PRDM6: variants seen among roughly 807,000 people sequenced by gnomAD.
PRDM6 encodes the protein PR/SET domain 6, also known as putative histone-lysine N-methyltransferase PRDM6.
A neutral mutation model predicts 60.8 loss-of-function variants in PRDM6; 25 were observed. That is an observed-to-expected ratio of 0.41 (90% CI 0.30 to 0.57). The LOEUF (loss-of-function observed/expected upper bound fraction) is 0.57, where lower values mean the gene tolerates loss of function less well. PRDM6 is among the 20% of genes least tolerant of loss of function. The pLI is 0.27. For synonymous variants in PRDM6, 407 were observed against 357.4 expected (o/e 1.14, Z -1.57); for missense variants, 839 against 821.3 (o/e 1.02, Z -0.26).
chr5:123,135,919 A>C (rs985961930), intron 3 of PRDM6, among the ~76,000 whole-genome samples: 2 of 152,242 alleles, frequency 1.3e-5, no homozygotes, highest in South Asian at 4.1e-4. Context: ...TGTTTTGTTA[A>C]CTGTCATACT....
intron 2 of PRDM6, among the ~76,000 whole-genome samples, chr5:123,095,948 A>G (rs959802801): frequency 1.3e-5 from 2 of 152,136 alleles, no homozygotes; most frequent in Non-Finnish European, 2.9e-5. Context: ...GTAAAGATCT[A>G]TTGCACTTTA....
At chr5:123,170,730 TA>T in intron 5 of PRDM6, 35 bp from the exon 6 acceptor site, 1 of 1,398,930 alleles carries the variant, frequency 7.1e-7, no homozygotes, top group Non-Finnish European at 9.7e-7. Context: ...TAAAGGCTAA[TA>T]AAACTGTTCT....
chr5:123,180,112 A>G, intron 6 of PRDM6, 35 bp from the exon 7 acceptor site: 1 of 1,497,274 alleles, frequency 6.7e-7, no homozygotes, highest in South Asian at 1.3e-5. Flanking sequence ...CCAACGCAGA[A>G]AACAATGACC....
intron 3 of PRDM6, among the ~76,000 whole-genome samples, chr5:123,132,254 T>G (rs905378355): frequency 2.6e-5 from 4 of 152,178 alleles, no homozygotes; most frequent in Non-Finnish European, 5.9e-5. Context: ...TCCCATGCAT[T>G]ACCACGTGGG....
intron 3 of PRDM6, among the ~76,000 whole-genome samples, chr5:123,142,557 T>C (rs1223819682): frequency 6.6e-6 from 1 of 151,778 alleles, no homozygotes; most frequent in Non-Finnish European, 1.5e-5. Flanking sequence ...TTTTAAAAAG[T>C]AGGAAAAATG....
chr5:123,102,660 T>C (rs956134706), intron 3 of PRDM6, among the ~76,000 whole-genome samples: 2 of 152,164 alleles, frequency 1.3e-5, no homozygotes, highest in Non-Finnish European at 2.9e-5. Context: ...ATGATTATTT[T>C]ATTTTAAAAG....
intron 2 of PRDM6, among the ~76,000 whole-genome samples, chr5:123,096,933 C>G (rs1022317661): frequency 4.6e-5 from 7 of 152,020 alleles, no homozygotes; most frequent in African/African-American, 1.7e-4. Context: ...TGGGATGACA[C>G]GTGTGGAGAA....
intron 3 of PRDM6, among the ~76,000 whole-genome samples, chr5:123,143,556 T>C (rs1030077981): frequency 6.6e-6 from 1 of 152,162 alleles, no homozygotes; most frequent in African/African-American, 2.4e-5. Flanking sequence ...CTTGGTTAGA[T>C]TTCCTGGGAA....
intron 7 of PRDM6, among the ~76,000 whole-genome samples, chr5:123,183,788 A>G (rs1052156946): frequency 2.6e-5 from 4 of 152,118 alleles, no homozygotes; most frequent in Non-Finnish European, 4.4e-5. Context: ...AAATTATTCT[A>G]TGCAGCAAGG....
At chr5:123,100,045 T>C (rs1764064188) in intron 3 of PRDM6, 84 bp downstream of exon 3, 1 of 1,368,708 alleles carries the variant, frequency 7.3e-7, no homozygotes, top group South Asian at 1.6e-5. Context: ...AGCCTGGCCT[T>C]TGGCTGTGGC....
At chr5:123,176,110 A>G (rs985623594) in intron 6 of PRDM6, among the ~76,000 whole-genome samples, 7 of 152,156 alleles carry the variant, frequency 4.6e-5, no homozygotes, top group African/African-American at 1.7e-4. Context: ...ATTTACATTT[A>G]AATTAATCCA....
chr5:123,100,432 G>A, intron 3 of PRDM6, among the ~76,000 whole-genome samples: 1 of 152,210 alleles, frequency 6.6e-6, no homozygotes, highest in East Asian at 1.9e-4. Flanking sequence ...ATAGAGGGGA[G>A]GAAGGAGAGG....
chr5:123,110,812 G>A (rs1021031004), intron 3 of PRDM6, among the ~76,000 whole-genome samples: 7 of 152,016 alleles, frequency 4.6e-5, no homozygotes, highest in African/African-American at 1.7e-4. Context: ...TGATCTGCCC[G>A]CCTCGGCTTC....
intron 4 of PRDM6, among the ~76,000 whole-genome samples, chr5:123,158,695 T>C (rs1279419744): frequency 6.6e-6 from 1 of 152,186 alleles, no homozygotes; most frequent in African/African-American, 2.4e-5. Flanking sequence ...ATTGCCCTGC[T>C]ACAGCCAATT....
chr5:123,178,408 T>G (rs1245307191), intron 6 of PRDM6, among the ~76,000 whole-genome samples: 1 of 152,212 alleles, frequency 6.6e-6, no homozygotes, highest in Admixed American at 6.5e-5. Flanking sequence ...GAGAGAATTA[T>G]TTTTTCAGGA....
At position 123,191,463 on chromosome 5, in the gene PRDM6, T is replaced by TA. The variant is rs1322878270; in HGVS notation, c.*4264dup. 6.6e-6 allele frequency: 1 copy of TA among 152,146 alleles called. No homozygotes were observed. The highest frequency in any genetic ancestry group is 6.5e-5 in the Admixed American group (1 of 15,268). The allele number at this position is 152,146 out of a possible 1,614,324, so 9.4% of individuals were successfully genotyped here. Reference sequence around the variant, plus strand: ...AACCAGGCCAGGAATAAGAAATAAATAATCACATTTCCTGAAATGTTTATC... The same window carrying TA: ...AACCAGGCCAGGAATAAGAAATAAATAAATCACATTTCCTGAAATGTTTATC... On this transcript the variant is annotated 3_prime_UTR_variant, in exon 8 of 8. Coordinates refer to ENST00000407847, the MANE Select transcript of PRDM6 (RefSeq NM_001136239.4).
chr5:123,141,022 G>T (rs1221602323), intron 3 of PRDM6, among the ~76,000 whole-genome samples: 1 of 151,806 alleles, frequency 6.6e-6, no homozygotes, highest in Non-Finnish European at 1.5e-5. Flanking sequence ...TTTTACAAGG[G>T]TGATTATAGA....
At chr5:123,115,462 G>A (rs540422157) in intron 3 of PRDM6, among the ~76,000 whole-genome samples, 3 of 152,220 alleles carry the variant, frequency 2.0e-5, no homozygotes, top group East Asian at 1.9e-4. Context: ...ATGGGCACAC[G>A]TTCACACGCA....
intron 3 of PRDM6, among the ~76,000 whole-genome samples, chr5:123,141,365 A>T (rs1380257598): frequency 2.0e-5 from 3 of 152,118 alleles, no homozygotes; most frequent in Non-Finnish European, 4.4e-5. Context: ...TTCATTATAT[A>T]ATTAAAGCAA....
Sources: allele counts gnomAD v4.1 joint callset (sites outside exome capture counted in the v4.1 genomes callset), GRCh38; gene constraint gnomAD v4.1.1; transcripts MANE v1.5; gene names NCBI Gene and HGNC (gene_info 2026-07-23, HGNC 2026-07-21).